WDPCP: variants seen among roughly 807,000 people sequenced by gnomAD.
The protein encoded by WDPCP is WD repeat containing planar cell polarity effector.
Under a neutral mutation model 93.1 loss-of-function variants are expected in WDPCP, and 71 were observed. That is an observed-to-expected ratio of 0.76 (90% CI 0.63 to 0.93). The LOEUF (loss-of-function observed/expected upper bound fraction) is 0.93. WDPCP is among the 40% of genes least tolerant of loss of function. WDPCP has a pLI of 0.00. For synonymous variants in WDPCP, 315 were observed against 315.0 expected (o/e 1.00, Z 0.00); for missense variants, 844 against 887.4 (o/e 0.95, Z 0.62).
At chr2:63,276,245 C>T (rs1329263238) in intron 13 of WDPCP, among the ~76,000 whole-genome samples, 2 of 152,078 alleles carry the variant, frequency 1.3e-5, no homozygotes, top group East Asian at 1.9e-4. Context: ...CCTTGAGTTC[C>T]AGATCTTCCC....
In WDPCP at chr2:63,755,695, C is replaced by T. The variant is rs369030578; in HGVS notation, n.308+57927G>A. Among the ~76,000 whole-genome samples, 29 of 152,312 alleles carry T rather than the reference C, an allele frequency of 1.9e-4. No homozygotes were observed. The East Asian group carries it at 3.7e-3, about 19-fold the overall frequency. Reference sequence around the variant, plus strand: ...TGATAGATTGTTTTTAAAAATCCAACATCTTAGTCATGCATGGCCTTAACA... The same window carrying T: ...TGATAGATTGTTTTTAAAAATCCAATATCTTAGTCATGCATGGCCTTAACA... On this transcript the variant is annotated intron_variant and non_coding_transcript_variant, in intron 2 of 4. Transcript: ENST00000467687.
At chr2:63,362,583 A>C (rs1690568201) in intron 12 of WDPCP, among the ~76,000 whole-genome samples, 1 of 152,054 alleles carries the variant, frequency 6.6e-6, no homozygotes, top group Non-Finnish European at 1.5e-5. Flanking sequence ...AGGTGTTCCC[A>C]TAGATTTGAA....
At chr2:63,780,228 G>T (rs890470675) in intron 2 of WDPCP, among the ~76,000 whole-genome samples, 3 of 152,142 alleles carry the variant, frequency 2.0e-5, no homozygotes, top group African/African-American at 7.2e-5. Flanking sequence ...GTGCCAAAAA[G>T]TGATTGGCAG....
chr2:63,641,800 T>C (rs913120251), intron 3 of WDPCP, among the ~76,000 whole-genome samples: 1 of 152,188 alleles, frequency 6.6e-6, no homozygotes, highest in African/African-American at 2.4e-5. Flanking sequence ...TAACTTCATG[T>C]GATCCCATTT....
At chr2:63,272,353 T>A (rs1682730540) in intron 13 of WDPCP, among the ~76,000 whole-genome samples, 1 of 152,176 alleles carries the variant, frequency 6.6e-6, no homozygotes, top group Non-Finnish European at 1.5e-5. Flanking sequence ...GAAAATGTCT[T>A]ACCCTATGAA....
intron 12 of WDPCP, among the ~76,000 whole-genome samples, chr2:63,362,940 A>C (rs1206507891): frequency 6.6e-6 from 1 of 152,210 alleles, no homozygotes; most frequent in Non-Finnish European, 1.5e-5. Context: ...GTTCAAGTAC[A>C]ATTTTAGTAC....
chr2:63,205,585 G>C (rs1035345526), intron 14 of WDPCP, among the ~76,000 whole-genome samples: 1 of 151,804 alleles, frequency 6.6e-6, no homozygotes, highest in South Asian at 2.1e-4. Context: ...TTTATTTGTG[G>C]CTATTATAAA....
At chr2:63,255,971 G>A (rs925713234) in intron 14 of WDPCP, among the ~76,000 whole-genome samples, 1 of 152,024 alleles carries the variant, frequency 6.6e-6, no homozygotes, top group Admixed American at 6.6e-5. Context: ...TAAATCTAAA[G>A]GAAGATGTGG....
At chr2:63,410,552 T>C (rs926321512) in intron 9 of WDPCP, among the ~76,000 whole-genome samples, 1 of 152,168 alleles carries the variant, frequency 6.6e-6, no homozygotes, top group African/African-American at 2.4e-5. Context: ...AGTACTAACA[T>C]TGAATGTAAA....
At chr2:63,607,046 T>G (rs1709547067) in intron 3 of WDPCP, 58 of 1,490,074 alleles carry the variant, frequency 3.9e-5, no homozygotes, top group Non-Finnish European at 5.1e-5. Flanking sequence ...CGTCTTTGAC[T>G]CAAGTACCAA....
chr2:63,673,810 A>G (rs911098541), intron 2 of WDPCP, among the ~76,000 whole-genome samples: 1 of 152,194 alleles, frequency 6.6e-6, no homozygotes, highest in African/African-American at 2.4e-5. Flanking sequence ...TTCCCCAAAT[A>G]CAGGCAAAAT....
rs536753370 is a variant in WDPCP at position 63,254,285 on chromosome 2, C to G, written c.1915+5022G>C. Among the ~76,000 whole-genome samples the G allele has an allele frequency of 5.3e-5, 8 of 152,202 alleles. No homozygotes were observed. The East Asian group carries it at 1.5e-3, about 29-fold the overall frequency. ...CTTCTTGGGTACTATTGCTTACTAC[C>G]TGGGTGATGGGGATCATTCATACCC... On this transcript the variant is annotated intron_variant, in intron 14 of 17. Coordinates refer to ENST00000272321, the MANE Select transcript of WDPCP (RefSeq NM_015910.7).
intron 14 of WDPCP, among the ~76,000 whole-genome samples, chr2:63,241,091 C>T (rs1679823177): frequency 6.6e-6 from 1 of 152,118 alleles, no homozygotes; most frequent in South Asian, 2.1e-4. Flanking sequence ...CATTATGTCA[C>T]CACAAAGAAA....
At chr2:63,373,260 T>TTTA (rs1248769124) in intron 12 of WDPCP, among the ~76,000 whole-genome samples, 1 of 150,820 alleles carries the variant, frequency 6.6e-6, no homozygotes, top group Non-Finnish European at 1.5e-5. Context: ...TGTTGTTTTT[T>TTTA]TTTTTCTTTT....
At chr2:63,142,565 A>G (rs759458657) in intron 17 of WDPCP, among the ~76,000 whole-genome samples, 2 of 152,120 alleles carry the variant, frequency 1.3e-5, no homozygotes, top group Non-Finnish European at 2.9e-5. Context: ...CATGTGCTGT[A>G]TCTTGGAGAA....
At chr2:63,423,793 G>C (rs1331168688) in intron 9 of WDPCP, among the ~76,000 whole-genome samples, 1 of 152,156 alleles carries the variant, frequency 6.6e-6, no homozygotes, top group African/African-American at 2.4e-5. Flanking sequence ...ACTAGTTCTA[G>C]GAGGATGGTA....
At chr2:63,479,209 C>CA (rs895407596) in intron 6 of WDPCP, among the ~76,000 whole-genome samples, 79 of 151,552 alleles carry the variant, frequency 5.2e-4, no homozygotes, top group African/African-American at 1.7e-3. Flanking sequence ...AAACTGCCAA[C>CA]AAAAAAAAGT....
chr2:63,427,580 G>A (rs2105408603), intron 9 of WDPCP, among the ~76,000 whole-genome samples: 2 of 152,146 alleles, frequency 1.3e-5, no homozygotes, highest in Middle Eastern at 3.4e-3. Flanking sequence ...CTGGGTGAAA[G>A]GAATGTTAAG....
At chr2:63,638,710 G>A (rs1015364914) in intron 3 of WDPCP, among the ~76,000 whole-genome samples, 100 of 151,834 alleles carry the variant, frequency 6.6e-4, no homozygotes, top group African/African-American at 2.3e-3. Flanking sequence ...GATCACTTGA[G>A]CCCAGGAGTT....
Sources: allele counts gnomAD v4.1 joint callset (sites outside exome capture counted in the v4.1 genomes callset), GRCh38; gene constraint gnomAD v4.1.1; transcripts MANE v1.5; gene names NCBI Gene and HGNC (gene_info 2026-07-23, HGNC 2026-07-21).